Variants in SGCZ observed in about 807,000 individuals in gnomAD.
SGCZ encodes the protein zeta-sarcoglycan.
SGCZ carries 40 observed loss-of-function variants against 41.3 expected under a neutral mutation model. The observed-to-expected ratio is 0.97, with a 90% CI of 0.75 to 1.26. The LOEUF is 1.26. SGCZ is among the 50% of genes most tolerant of loss of function. The pLI, the probability that SGCZ is intolerant of heterozygous loss-of-function variation, is 0.00. For synonymous variants in SGCZ, 206 were observed against 137.5 expected, an observed-to-expected ratio of 1.50 and a Z score of -3.49; for missense variants, 552 against 369.8, an observed-to-expected ratio of 1.49 and a Z score of -4.04.
intron 1 of SGCZ, among the ~76,000 whole-genome samples, chr8:15,188,049 A>G (rs946817996): frequency 6.6e-6 from 1 of 152,038 alleles, no homozygotes; most frequent in African/African-American, 2.4e-5. Context: ...TTATGGACAC[A>G]TATATTAATG....
chr8:14,891,996 T>A (rs1805035343), intron 1 of SGCZ, among the ~76,000 whole-genome samples: 1 of 152,352 alleles, frequency 6.6e-6, no homozygotes, highest in Middle Eastern at 3.4e-3. Context: ...AAACGTAACT[T>A]TTACATGCAC....
chr8:14,660,376 A>G (rs969708335), intron 1 of SGCZ, among the ~76,000 whole-genome samples: 1 of 151,886 alleles, frequency 6.6e-6, no homozygotes, highest in Non-Finnish European at 1.5e-5. Flanking sequence ...GTTTGAGACC[A>G]GCCTAGGCAA....
chr8:15,014,293 G>A (rs1446135257), intron 1 of SGCZ, among the ~76,000 whole-genome samples: 8 of 152,136 alleles, frequency 5.3e-5, no homozygotes, highest in African/African-American at 1.9e-4. Flanking sequence ...GGATGTGCTG[G>A]GCGTGGTGTC....
intron 2 of SGCZ, among the ~76,000 whole-genome samples, chr8:14,460,851 T>A (rs1800882832): frequency 1.3e-5 from 2 of 152,134 alleles, no homozygotes; most frequent in Non-Finnish European, 2.9e-5. Flanking sequence ...TGTTAATTAT[T>A]TTATTTTAAT....
chr8:15,085,595 G>A (rs1486583965), intron 1 of SGCZ, among the ~76,000 whole-genome samples: 5 of 152,092 alleles, frequency 3.3e-5, no homozygotes, highest in Admixed American at 3.3e-4. Context: ...CTTGGCCATG[G>A]CAAGGAAATA....
chr8:14,509,025 T>C (rs1364342348), intron 2 of SGCZ, among the ~76,000 whole-genome samples: 1 of 152,166 alleles, frequency 6.6e-6, no homozygotes, highest in Admixed American at 6.6e-5. Context: ...TATCGAACTT[T>C]CAAACACTCT....
At chr8:14,751,103 T>C (rs1799486181) in intron 1 of SGCZ, among the ~76,000 whole-genome samples, 1 of 152,242 alleles carries the variant, frequency 6.6e-6, no homozygotes, top group Admixed American at 6.5e-5. Context: ...CCAAGATATC[T>C]TTCTTAGATG....
intron 2 of SGCZ, among the ~76,000 whole-genome samples, chr8:14,486,406 A>T (rs1801676540): frequency 6.6e-6 from 1 of 152,204 alleles, no homozygotes; most frequent in Admixed American, 6.5e-5. Context: ...TCAAGAGAGA[A>T]ATACAGTGCC....
intron 1 of SGCZ, among the ~76,000 whole-genome samples, chr8:15,115,677 T>C (rs982880581): frequency 1.3e-5 from 2 of 152,206 alleles, no homozygotes; most frequent in African/African-American, 2.4e-5. Context: ...AAATAATTCT[T>C]AATATGTTCT....
At chr8:14,322,277 G>C (rs1321648902) in intron 3 of SGCZ, among the ~76,000 whole-genome samples, 1 of 152,026 alleles carries the variant, frequency 6.6e-6, no homozygotes, top group Non-Finnish European at 1.5e-5. Context: ...CAATAATGAA[G>C]GAAGACACAG....
intron 1 of SGCZ, among the ~76,000 whole-genome samples, chr8:14,794,632 T>A (rs1801066876): frequency 6.6e-6 from 1 of 152,148 alleles, no homozygotes; most frequent in African/African-American, 2.4e-5. Flanking sequence ...AAAAATAGCA[T>A]CATCAGAATG....
At chr8:15,156,436 G>C (rs1799332827) in intron 1 of SGCZ, among the ~76,000 whole-genome samples, 1 of 152,172 alleles carries the variant, frequency 6.6e-6, no homozygotes, top group African/African-American at 2.4e-5. Flanking sequence ...CATTTTATCA[G>C]CATGGTGAAA....
chr8:14,721,999 T>C (rs1330990839), intron 1 of SGCZ, among the ~76,000 whole-genome samples: 1 of 152,158 alleles, frequency 6.6e-6, no homozygotes, highest in Non-Finnish European at 1.5e-5. Flanking sequence ...TTTCTATGAT[T>C]CTCCCCATCA....
At chr8:15,062,996 C>T (rs1248636304) in intron 1 of SGCZ, among the ~76,000 whole-genome samples, 2 of 152,110 alleles carry the variant, frequency 1.3e-5, no homozygotes, top group Non-Finnish European at 2.9e-5. Context: ...AAATGGTACT[C>T]ACAGTGTACC....
chr8:14,410,757 C>A (rs141385155), intron 2 of SGCZ, among the ~76,000 whole-genome samples: 3 of 151,984 alleles, frequency 2.0e-5, no homozygotes, highest in Admixed American at 2.0e-4. Flanking sequence ...GCACATGTAT[C>A]CTAGAACTTA....
intron 1 of SGCZ, among the ~76,000 whole-genome samples, chr8:14,640,672 G>GTGTA (rs1053978338): frequency 3.2e-4 from 36 of 113,794 alleles, no homozygotes; most frequent in African/African-American, 1.1e-3. Context: ...GTGTGTGTGT[G>GTGTA]TATATATTTG....
chr8:14,860,186 CT>C (rs112546263), intron 1 of SGCZ, among the ~76,000 whole-genome samples: 3,676 of 150,378 alleles, frequency 0.024, 55 homozygotes, highest in Middle Eastern at 0.048. Flanking sequence ...TACACAAAGT[CT>C]TTTTTTTTGT....
At chr8:14,511,741 T>C (rs989584901) in intron 2 of SGCZ, among the ~76,000 whole-genome samples, 1 of 152,090 alleles carries the variant, frequency 6.6e-6, no homozygotes, top group Non-Finnish European at 1.5e-5. Flanking sequence ...ATCCAAGTTG[T>C]TAAGTATGAT....
At chr8:14,844,705 A>G (rs1318565190) in intron 1 of SGCZ, among the ~76,000 whole-genome samples, 1 of 152,214 alleles carries the variant, frequency 6.6e-6, no homozygotes, top group Non-Finnish European at 1.5e-5. Context: ...GTCTAAAAAC[A>G]TAAGGTCCTT....
Sources: gnomAD v4.1 joint callset for allele counts (sites outside exome capture counted in the v4.1 genomes callset) on GRCh38, gnomAD v4.1.1 for gene constraint, MANE v1.5 for transcripts, NCBI Gene and HGNC (gene_info 2026-07-23, HGNC 2026-07-21) for gene names.